ITSN2: variants seen among roughly 807,000 people sequenced by gnomAD.
ITSN2 encodes the protein intersectin 2, also known as intersectin-2.
In ITSN2, 156 loss-of-function variants were observed where a neutral mutation model predicts 243.7. That is an observed-to-expected ratio of 0.64 (90% CI 0.56 to 0.73). The LOEUF is 0.73. Ranked by LOEUF, ITSN2 falls within the 30% of genes least tolerant of loss-of-function variation. The probability of loss-of-function intolerance (pLI) is 0.00; values close to 1 mark genes in which losing one functional copy is unlikely to be tolerated. For missense variants in ITSN2, 1,801 were observed against 1,996.1 expected, an observed-to-expected ratio of 0.90 and a Z score of 1.86; for synonymous variants, 703 against 699.9, an observed-to-expected ratio of 1.00 and a Z score of -0.07.
intron 29 of ITSN2, among the ~76,000 whole-genome samples, chr2:24,237,924 G>A (rs1239440916): frequency 6.6e-6 from 1 of 152,086 alleles, no homozygotes; most frequent in Non-Finnish European, 1.5e-5. Flanking sequence ...CTTAGCCCTT[G>A]GCCTGCCTCT....
In ITSN2 at chr2:24,203,711, C is replaced by T. The variant is rs778425636; in HGVS notation, c.5009G>A (p.Arg1670His). ...GGGGACCTCATGCAGCAGCAGTCGG[C>T]GGGTCATAGGGCCTTTGCTTTCCTG... ...TEQESKGPMT[R>H]RLLLHEVPTG... Residue 1670 changes from arginine to histidine, a missense_variant, in exon 40 of 40, where the codon CGC (arginine) becomes CAC (histidine). Transcript: ENST00000355123. The T allele has an allele frequency of 6.8e-6, 11 of 1,614,110 alleles. No individual in the cohort carries two copies. The highest frequency in any genetic ancestry group is 3.3e-5 in the Admixed American group (2 of 60,024).
At chr2:24,323,597 G>C (rs1353976926) in intron 2 of ITSN2, among the ~76,000 whole-genome samples, 1 of 152,164 alleles carries the variant, frequency 6.6e-6, no homozygotes, top group East Asian at 1.9e-4. Context: ...TAAGGGTACA[G>C]AGAACTTTTT....
chr2:24,279,369 C>T (rs1166559501), intron 17 of ITSN2, among the ~76,000 whole-genome samples: 1 of 152,238 alleles, frequency 6.6e-6, no homozygotes, highest in African/African-American at 2.4e-5. Context: ...CAAGTCAACA[C>T]TGGTTGACTT....
In ITSN2 at chr2:24,225,131, G is replaced by T. The variant is rs958146919; in HGVS notation, c.3578-4065C>A. On this transcript the variant is annotated intron_variant, in intron 29 of 39. Transcript: ENST00000355123. This position sits in a 1 kb window ranked among gnomAD's most constrained non-coding sequence, Gnocchi z 4.2. ...TTTCTTTCTAAAGCCACTGTCTGTA[G>T]TCAGCCTCTCCTCCAGGGCCCCTCC... Among the ~76,000 whole-genome samples, 2 of 152,148 alleles carry T rather than the reference G, an allele frequency of 1.3e-5. No homozygotes were observed. The highest frequency in any genetic ancestry group is 2.9e-5 in the Non-Finnish European group (2 of 68,030).
intron 13 of ITSN2, 115 bp downstream of exon 13, chr2:24,298,550 C>A: frequency 7.6e-6 from 7 of 926,276 alleles, no homozygotes; most frequent in Non-Finnish European, 1.1e-5. Context: ...CCTGCCTTGG[C>A]CTCCCAAAGT....
intron 1 of ITSN2, among the ~76,000 whole-genome samples, chr2:24,341,809 G>C (rs1394531811): frequency 6.6e-6 from 1 of 152,098 alleles, no homozygotes; most frequent in Non-Finnish European, 1.5e-5. Flanking sequence ...AGCCAAGATC[G>C]CACCACTGCC....
In ITSN2 at chr2:24,216,443, A is replaced by C. The variant is rs111706307; in HGVS notation, c.3807-211T>G. 1,064 of 434,730 alleles carry C rather than the reference A, an allele frequency of 2.4e-3. 8 individuals are homozygous for C. The highest frequency in any genetic ancestry group is 0.02 in the African/African-American group (971 of 49,200). The allele number at this position is 434,730 out of a possible 1,614,324, so 26.9% of individuals were successfully genotyped here. A position where few individuals can be genotyped will look rare whatever the true frequency, so the allele number is the denominator to read the frequency against. On this transcript the variant is annotated intron_variant, in intron 31 of 39. Coordinates refer to ENST00000355123, the MANE Select transcript of ITSN2 (RefSeq NM_006277.3). ...CGGGGTGTGATGTCAGCAAAGAAAAAAAAAGTAAATAAAGTCCCTGCAGTT... is the reference window on the plus strand; with the variant it reads ...CGGGGTGTGATGTCAGCAAAGAAAACAAAAGTAAATAAAGTCCCTGCAGTT...
intron 20 of ITSN2, among the ~76,000 whole-genome samples, chr2:24,266,538 TA>T (rs955264966): frequency 3.9e-5 from 6 of 152,188 alleles, no homozygotes; most frequent in Non-Finnish European, 5.9e-5. Flanking sequence ...GATGTCACAG[TA>T]ATGTAGCTCC....
At chr2:24,298,620 G>A in intron 13 of ITSN2, 45 bp downstream of exon 13, 2 of 1,553,082 alleles carry the variant, frequency 1.3e-6, no homozygotes, top group Non-Finnish European at 8.7e-7. Flanking sequence ...TCAACAGGTA[G>A]CTCCATCATC....
rs189407600 is a variant in ITSN2 at position 24,308,794 on chromosome 2, A to G, written c.654-38T>C. On this transcript the variant is annotated intron_variant, in intron 7 of 39. Coordinates refer to ENST00000355123, the MANE Select transcript of ITSN2 (RefSeq NM_006277.3). Reference sequence around the variant, plus strand: ...TTATTTAAAATTTTTATGTTACTAAATAAAATATATTTAATTAAATTTTAT... The same window carrying G: ...TTATTTAAAATTTTTATGTTACTAAGTAAAATATATTTAATTAAATTTTAT... 1.9e-3 allele frequency: 1,980 copies of G among 1,069,366 alleles called. 15 individuals are homozygous for G. The highest frequency in any genetic ancestry group is 1.7e-3 in the Non-Finnish European group (1,363 of 803,306). 66.2% of individuals were successfully genotyped at this position (1,069,366 alleles called of 1,614,324 possible).
At chr2:24,282,488 C>G (rs765799856) in intron 17 of ITSN2, among the ~76,000 whole-genome samples, 1 of 152,200 alleles carries the variant, frequency 6.6e-6, no homozygotes, top group Non-Finnish European at 1.5e-5. Context: ...GGCAAGAAAC[C>G]CTGGGATACA....
intron 20 of ITSN2, among the ~76,000 whole-genome samples, chr2:24,265,491 T>A (rs560923395): frequency 1.3e-5 from 2 of 151,936 alleles, no homozygotes; most frequent in Admixed American, 1.3e-4. Context: ...AGTAGCTTAA[T>A]AGATTCTATG....
chr2:24,348,952 C>T (rs968800285), intron 1 of ITSN2, among the ~76,000 whole-genome samples: 1 of 152,002 alleles, frequency 6.6e-6, no homozygotes, highest in African/African-American at 2.4e-5. Flanking sequence ...AAGAATCATC[C>T]AAGAAAGCAA....
At position 24,212,721 on chromosome 2, in the gene ITSN2, C is replaced by T; in HGVS notation, c.4018G>A (p.Gly1340Arg). The T allele has an allele frequency of 3.7e-6, 6 of 1,614,130 alleles. No individual in the cohort carries two copies. Among genetic ancestry groups the T allele is most frequent in the Non-Finnish European group, 5.1e-6 (6 of 1,180,000 alleles). ...KKLASDPRCK[G>R]MPLSSFLLKP... ...AGCAGGAAGCTGGAGAGGGGCATTC[C>T]TTTACACCGCGGGTCAGATGCCAGC... Residue 1340 changes from glycine (G) to arginine (R), a missense_variant, in exon 33 of 40, where the codon GGA (glycine) becomes AGA (arginine). By Grantham distance (125) the Gly-to-Arg change is moderately radical. Around this residue, in one of 5 missense-constraint regions of ITSN2, gnomAD observed 928 missense variants for 1,065.4 expected, o/e 0.87. Coordinates refer to ENST00000355123, the MANE Select transcript of ITSN2 (RefSeq NM_006277.3).
Position 24,249,026 on chromosome 2 carries a change from A to G in ITSN2, c.3121-144T>C, listed in dbSNP as rs1436186085. ...ATGAAAATGACAATGAACCTCATGC[A>G]GTATTAACAAATAAGTGAAAAATCC... On this transcript the variant is annotated intron_variant, in intron 25 of 39. Coordinates refer to ENST00000355123, the MANE Select transcript of ITSN2 (RefSeq NM_006277.3). This position sits in a 1 kb window ranked among gnomAD's most constrained non-coding sequence, Gnocchi z 4.4. The G allele has an allele frequency of 7.4e-6, 6 of 809,614 alleles. No homozygotes were observed. In the East Asian group the frequency reaches 1.6e-4, roughly 21 times the overall value. 50.2% of individuals were successfully genotyped at this position (809,614 alleles called of 1,614,324 possible).
chr2:24,314,173 A>C (rs999587543), intron 3 of ITSN2, among the ~76,000 whole-genome samples: 2 of 152,204 alleles, frequency 1.3e-5, no homozygotes, highest in Non-Finnish European at 2.9e-5. Context: ...GGGAACACTA[A>C]AGGAAACAGA....
At position 24,248,679 on chromosome 2, in the gene ITSN2, T is replaced by G; in HGVS notation, c.3238A>C (p.Ile1080Leu). Residue 1080 changes from isoleucine to leucine, a missense_variant, in exon 27 of 40, where the codon ATA (isoleucine) becomes CTA (leucine). Ile to Leu is a conservative substitution (Grantham distance 5). This residue lies in a region of ITSN2 where 928 missense variants were observed against 1,065.4 expected (regional missense o/e 0.87). Transcript: ENST00000355123. ...CTTGTATTTTTCTTTAGAATTAATA[T>G]TAACTGTCCTGGTGCAAGGCTAAGT... is the stretch of plus-strand genomic sequence containing the variant. ...EQLSLAPGQL[I>L]LILKKNTSGW... 1.9e-6 allele frequency: 3 copies of G among 1,612,126 alleles called. No individual in the cohort carries two copies. The highest frequency in any genetic ancestry group is 2.5e-6 in the Non-Finnish European group (3 of 1,178,602).
intron 30 of ITSN2, among the ~76,000 whole-genome samples, chr2:24,218,836 G>C (rs1220849849): frequency 1.3e-5 from 2 of 152,136 alleles, no homozygotes; most frequent in Admixed American, 1.3e-4. Context: ...ACACCTTAAG[G>C]AAATAGAGAA....
At position 24,337,279 on chromosome 2, in the gene ITSN2, A is replaced by ATG. The variant is rs761971519; in HGVS notation, c.-33-9166_-33-9165dup. On this transcript the variant is annotated intron_variant, in intron 1 of 39. Transcript: ENST00000355123. ...CCTGCAGGCGTGTGTGTCTATATGT[A>ATG]TGTATGTGTGTGTGTGTGTGTGTGT... 6.8e-3 allele frequency among the ~76,000 whole-genome samples: 662 copies of ATG among 97,896 alleles called. 23 individuals are homozygous for ATG. Among genetic ancestry groups the ATG allele is most frequent in the African/African-American group, 0.014 (381 of 26,912 alleles). 64.2% of individuals were successfully genotyped at this position (97,896 alleles called of 152,430 possible).
Sources: allele counts gnomAD v4.1 joint callset (sites outside exome capture counted in the v4.1 genomes callset), GRCh38; gene constraint gnomAD v4.1.1; regional missense constraint gnomAD v4.1.1; non-coding constraint Gnocchi (gnomAD v3.1); transcripts MANE v1.5; gene names NCBI Gene and HGNC (gene_info 2026-07-23, HGNC 2026-07-21).